Variants in PDE11A observed in about 807,000 individuals in gnomAD.
PDE11A encodes phosphodiesterase 11A, also known as dual 3',5'-cyclic-AMP and -GMP phosphodiesterase 11A.
Under a neutral mutation model 100.5 loss-of-function variants are expected in PDE11A, and 100 were observed. The observed-to-expected ratio is 1.00, with a 90% CI of 0.85 to 1.18. The LOEUF is 1.18. Among genes scored for constraint, PDE11A ranks in the 50% most tolerant of loss-of-function variants. The pLI is 0.00. For missense variants in PDE11A, 1,141 were observed against 1,152.6 expected (o/e 0.99, Z 0.15); for synonymous variants, 381 against 420.8 (o/e 0.91, Z 1.16).
At chr2:178,007,238 A>C (rs765511572) in intron 2 of PDE11A, among the ~76,000 whole-genome samples, 1 of 152,204 alleles carries the variant, frequency 6.6e-6, no homozygotes, top group Non-Finnish European at 1.5e-5. Context: ...TATAATTCTT[A>C]ATTTCATTTT....
chr2:177,710,223 G>A (rs1052656554), intron 13 of PDE11A, among the ~76,000 whole-genome samples: 3 of 152,090 alleles, frequency 2.0e-5, no homozygotes, highest in Admixed American at 2.0e-4. Context: ...CCCTCTTACC[G>A]AGATAGGAGG....
chr2:177,776,698 A>G (rs2082382443), intron 9 of PDE11A, among the ~76,000 whole-genome samples: 1 of 152,098 alleles, frequency 6.6e-6, no homozygotes, highest in Non-Finnish European at 1.5e-5. Flanking sequence ...TTACAAGAAG[A>G]GGAGTTCGGA....
intron 2 of PDE11A, among the ~76,000 whole-genome samples, chr2:178,004,256 G>A (rs370934221): frequency 4.0e-5 from 6 of 151,442 alleles, no homozygotes; most frequent in African/African-American, 9.7e-5. Flanking sequence ...TTAAAATTAG[G>A]AAATAATCTT....
At chr2:177,835,034 G>C (rs2083371627) in intron 6 of PDE11A, among the ~76,000 whole-genome samples, 1 of 152,114 alleles carries the variant, frequency 6.6e-6, no homozygotes. Context: ...CAAAGGTTAT[G>C]ACAACAGTGG....
intron 5 of PDE11A, among the ~76,000 whole-genome samples, chr2:177,845,605 C>A (rs1456050266): frequency 1.3e-5 from 2 of 151,936 alleles, no homozygotes; most frequent in Non-Finnish European, 2.9e-5. Flanking sequence ...TGGGCAGAGA[C>A]GCTCCTCACT....
intron 3 of PDE11A, among the ~76,000 whole-genome samples, 170 bp downstream of exon 3, chr2:177,904,928 G>T (rs544827856): frequency 6.6e-6 from 1 of 152,172 alleles, no homozygotes; most frequent in Admixed American, 6.5e-5. Context: ...TTCCATTTGG[G>T]CTTATTGCTT....
At chr2:177,710,736 G>A (rs1226328861) in intron 13 of PDE11A, among the ~76,000 whole-genome samples, 1 of 152,200 alleles carries the variant, frequency 6.6e-6, no homozygotes, top group African/African-American at 2.4e-5. Flanking sequence ...AAATTCATCT[G>A]CTAGATCAGG....
intron 1 of PDE11A, among the ~76,000 whole-genome samples, chr2:178,016,643 G>A (rs1314432579): frequency 1.3e-5 from 2 of 152,024 alleles, no homozygotes; most frequent in African/African-American, 2.4e-5. Context: ...ATTTTTATAG[G>A]GATCAAGGAA....
chr2:177,944,832 C>CCCTCTCCCTCTA (rs2085386445), intron 2 of PDE11A, among the ~76,000 whole-genome samples: 1 of 130,276 alleles, frequency 7.7e-6, no homozygotes, highest in East Asian at 2.2e-4. Context: ...CTCTCCCTCT[C>CCCTCTCCCTCTA]CCTCTCCGTC....
chr2:177,842,205 G>T (rs1157794834), intron 5 of PDE11A, among the ~76,000 whole-genome samples: 1 of 152,186 alleles, frequency 6.6e-6, no homozygotes, highest in Non-Finnish European at 1.5e-5. Flanking sequence ...GTGTTCTGTG[G>T]AGTGTGGGAA....
chr2:177,958,202 T>TA (rs2105787771), intron 2 of PDE11A, among the ~76,000 whole-genome samples: 1 of 152,236 alleles, frequency 6.6e-6, no homozygotes, highest in East Asian at 1.9e-4. Context: ...CAATGCATTT[T>TA]AAAAAATAAA....
At position 177,663,240 on chromosome 2, in the gene PDE11A, C is replaced by T. The variant is rs1409316262; in HGVS notation, c.2646+626G>A. ...CCTTTCAGAAGGAGAGGCCTACACA[C>T]CAAGTAGCAGAGCTGGAAACATTAG... On this transcript the variant is annotated intron_variant, in intron 19 of 19. Coordinates refer to ENST00000286063, the MANE Select transcript of PDE11A (RefSeq NM_016953.4). Among the ~76,000 whole-genome samples the T allele has an allele frequency of 2.8e-5, 4 of 144,184 alleles. No homozygotes were observed. In the East Asian group the frequency reaches 8.0e-4, roughly 29 times the overall value. 94.6% of individuals were successfully genotyped at this position (144,184 alleles called of 152,430 possible).
At chr2:178,019,064 G>A (rs1462668232) in intron 1 of PDE11A, among the ~76,000 whole-genome samples, 1 of 152,168 alleles carries the variant, frequency 6.6e-6, no homozygotes, top group Non-Finnish European at 1.5e-5. Context: ...TATTTTTCCT[G>A]ATAAGGATAG....
chr2:177,950,755 C>G (rs1574302938), intron 2 of PDE11A, among the ~76,000 whole-genome samples: 1 of 152,164 alleles, frequency 6.6e-6, no homozygotes, highest in African/African-American at 2.4e-5. Context: ...ATTAAAAATA[C>G]AAAACATTAG....
intron 6 of PDE11A, among the ~76,000 whole-genome samples, chr2:177,828,251 T>A (rs767678837): frequency 1.8e-4 from 28 of 152,158 alleles, no homozygotes; most frequent in Non-Finnish European, 3.7e-4. Flanking sequence ...CCTTTTCTTA[T>A]AAATATGTAT....
intron 9 of PDE11A, among the ~76,000 whole-genome samples, chr2:177,789,725 A>T (rs555761099): frequency 1.3e-5 from 2 of 152,306 alleles, no homozygotes; most frequent in African/African-American, 4.8e-5. Flanking sequence ...AAAAATCACA[A>T]GCATTTTTAT....
chr2:177,953,855 C>T (rs1280841096), intron 2 of PDE11A, among the ~76,000 whole-genome samples: 1 of 152,036 alleles, frequency 6.6e-6, no homozygotes, highest in East Asian at 1.9e-4. Flanking sequence ...CCAGAGATCT[C>T]CTTTAGAAAA....
chr2:177,930,938 G>A (rs1029999064), intron 2 of PDE11A, among the ~76,000 whole-genome samples: 3 of 152,106 alleles, frequency 2.0e-5, no homozygotes, highest in Non-Finnish European at 2.9e-5. Context: ...TCATATGCAG[G>A]GAGTCTTGCA....
At chr2:177,809,037 T>C (rs906937947) in intron 9 of PDE11A, among the ~76,000 whole-genome samples, 2 of 152,132 alleles carry the variant, frequency 1.3e-5, no homozygotes, top group Non-Finnish European at 2.9e-5. Flanking sequence ...CATGATTCTA[T>C]TTATATGAGG....
Sources: allele counts gnomAD v4.1 joint callset (sites outside exome capture counted in the v4.1 genomes callset), GRCh38; gene constraint gnomAD v4.1.1; transcripts MANE v1.5; gene names NCBI Gene and HGNC (gene_info 2026-07-23, HGNC 2026-07-21).